The following CASP6 variants were observed in gnomAD, a reference collection of about 807,000 sequenced individuals.
The protein encoded by CASP6 is caspase-6.
Under a neutral mutation model 31.8 loss-of-function variants are expected in CASP6, and 20 were observed. That is an observed-to-expected ratio of 0.63 (90% confidence interval 0.44 to 0.91). CASP6 has a LOEUF of 0.91. CASP6 is among the 40% of genes least tolerant of loss of function. The pLI, the probability that CASP6 is intolerant of heterozygous loss-of-function variation, is 0.00. For missense variants in CASP6, 328 were observed against 361.1 expected (o/e 0.91, Z 0.74); for synonymous variants, 130 against 127.8 (o/e 1.02, Z -0.12).
chr4:109,681,799 C>T, the CASP6 span, among the ~76,000 whole-genome samples: 14 of 152,316 alleles, frequency 9.2e-5, no homozygotes, highest in South Asian at 2.5e-3. Context: ...TCTGCTACGG[C>T]GGCAAAACAG....
At chr4:109,685,408 C>A, downstream of CASP6, 1 of 845,194 alleles carries the variant, frequency 1.2e-6, no homozygotes, top group South Asian at 1.5e-5. Context: ...TGTTTGGGAG[C>A]CAGAACTTAG....
chr4:109,705,044 T>C (rs1224893460), upstream of CASP6, among the ~76,000 whole-genome samples: 1 of 152,158 alleles, frequency 6.6e-6, no homozygotes, highest in African/African-American at 2.4e-5. Flanking sequence ...CGGCCTTCTA[T>C]TGGAAGAAGA....
At chr4:109,677,437 G>T in the CASP6 span, among the ~76,000 whole-genome samples, 1 of 152,294 alleles carries the variant, frequency 6.6e-6, no homozygotes, top group East Asian at 1.9e-4. Context: ...AATGTATTTT[G>T]TGTGGGAAAA....
At chr4:109,667,932 T>G in the CASP6 span, among the ~76,000 whole-genome samples, 1 of 152,156 alleles carries the variant, frequency 6.6e-6, no homozygotes, top group Admixed American at 6.5e-5. Context: ...ATTTAATATC[T>G]AAGTATTTTG....
At chr4:109,707,433 C>A (rs138193056), upstream of CASP6, among the ~76,000 whole-genome samples, 6 of 148,434 alleles carry the variant, frequency 4.0e-5, no homozygotes, top group African/African-American at 1.5e-4. Context: ...GTTGCCCAGG[C>A]TGGAGTGCAA....
the CASP6 span, chr4:109,673,846 T>G: frequency 2.2e-5 from 17 of 756,226 alleles, 1 homozygote; most frequent in Non-Finnish European, 4.2e-5. Flanking sequence ...AATCACTATG[T>G]CAGCAGACAC....
chr4:109,700,314 G>A (rs1730380219), intron 1 of CASP6, among the ~76,000 whole-genome samples: 1 of 152,178 alleles, frequency 6.6e-6, no homozygotes, highest in South Asian at 2.1e-4. Flanking sequence ...AGACCTACAG[G>A]TTTAGGAATG....
At chr4:109,673,333 C>T in the CASP6 span, among the ~76,000 whole-genome samples, 1 of 152,180 alleles carries the variant, frequency 6.6e-6, no homozygotes, top group Non-Finnish European at 1.5e-5. Context: ...GACCATAAGC[C>T]TTAGGTCTAA....
chr4:109,703,407 G>C lies in CASP6; in HGVS notation c.-12C>G. ...GAGGCCGAGCTCATTGCAGCCAAAC[G>C]CGCAGCCAGACACCTTGCCCTCCTC... On this transcript the variant is annotated 5_prime_UTR_variant, in exon 1 of 7. Transcript: ENST00000265164. 6.2e-7 allele frequency: 1 copy of C among 1,611,472 alleles called. No homozygotes were observed. Among genetic ancestry groups the C allele is most frequent in the Non-Finnish European group, 8.5e-7 (1 of 1,179,122 alleles).
chr4:109,708,386 T>C (rs1561267698), upstream of CASP6, among the ~76,000 whole-genome samples: 1 of 152,210 alleles, frequency 6.6e-6, no homozygotes, highest in African/African-American at 2.4e-5. Context: ...TCAATGAATA[T>C]TGGTTATTAC....
the CASP6 span, among the ~76,000 whole-genome samples, chr4:109,681,957 G>C: frequency 6.6e-6 from 1 of 152,232 alleles, no homozygotes; most frequent in Non-Finnish European, 1.5e-5. Flanking sequence ...GCCATTGCTG[G>C]CTCGAATGCC....
the CASP6 span, among the ~76,000 whole-genome samples, chr4:109,678,316 C>T: frequency 2.0e-5 from 3 of 152,326 alleles, no homozygotes; most frequent in East Asian, 3.9e-4. Context: ...GGCCTGTTCT[C>T]GATGGTCGCT....
the CASP6 span, among the ~76,000 whole-genome samples, chr4:109,673,459 G>T: frequency 6.6e-6 from 1 of 152,192 alleles, no homozygotes; most frequent in Admixed American, 6.5e-5. Context: ...CTGGAGATGG[G>T]AGGTCAGTGA....
upstream of CASP6, among the ~76,000 whole-genome samples, chr4:109,703,741 A>G (rs750527606): frequency 6.6e-6 from 1 of 152,150 alleles, no homozygotes; most frequent in Non-Finnish European, 1.5e-5. Flanking sequence ...AGGCAATTTC[A>G]CATCACTTGT....
At chr4:109,678,446 G>A in the CASP6 span, among the ~76,000 whole-genome samples, 5 of 143,870 alleles carry the variant, frequency 3.5e-5, no homozygotes, top group East Asian at 2.1e-4. Context: ...ATGGGCGGGC[G>A]GGCAGAGACG....
chr4:109,675,661 G>T, the CASP6 span, among the ~76,000 whole-genome samples: 2 of 152,322 alleles, frequency 1.3e-5, no homozygotes, highest in African/African-American at 4.8e-5. Flanking sequence ...TTGATCCCCA[G>T]TGTTGTGGTG....
the CASP6 span, chr4:109,681,570 T>TG: frequency 5.0e-6 from 2 of 396,192 alleles, no homozygotes; most frequent in Non-Finnish European, 1.0e-5. Flanking sequence ...TCTTGGGCCA[T>TG]GCAGTGTTAC....
upstream of CASP6, among the ~76,000 whole-genome samples, chr4:109,706,025 TA>T (rs1561266733): frequency 2.0e-5 from 2 of 99,658 alleles, no homozygotes; most frequent in African/African-American, 9.3e-5. Flanking sequence ...TATATATATA[TA>T]TATATAATAT....
At chr4:109,682,787 T>C in the CASP6 span, 1 of 1,469,458 alleles carries the variant, frequency 6.8e-7, no homozygotes, top group East Asian at 2.3e-5. Flanking sequence ...TAATACCTAG[T>C]GTTTATTGAG....
Sources: gnomAD v4.1 joint callset for allele counts (sites outside exome capture counted in the v4.1 genomes callset) on GRCh38, gnomAD v4.1.1 for gene constraint, MANE v1.5 for transcripts, NCBI Gene and HGNC (gene_info 2026-07-23, HGNC 2026-07-21) for gene names.